The following HIVEP3 variants were observed in gnomAD, a reference collection of about 807,000 sequenced individuals.
HIVEP3 encodes the protein HIVEP zinc finger 3.
A neutral mutation model predicts 152.8 loss-of-function variants in HIVEP3; 49 were observed. The ratio of observed to expected loss-of-function variants is 0.32; its 90% CI spans 0.26 to 0.41. HIVEP3 has a LOEUF of 0.41. HIVEP3 is among the 10% of genes least tolerant of loss of function. HIVEP3 has a pLI of 1.00. For synonymous variants in HIVEP3, 1,269 were observed against 1,289.0 expected (o/e 0.98, Z 0.33); for missense variants, 2,790 against 3,103.3 (o/e 0.90, Z 2.40).
At chr1:41,755,879 T>C (rs181750903) in intron 1 of HIVEP3, among the ~76,000 whole-genome samples, 6 of 152,340 alleles carry the variant, frequency 3.9e-5, no homozygotes. Flanking sequence ...CCGGTGGGAA[T>C]ATAAAATGAT....
At chr1:41,819,935 T>C (rs1259974353) in intron 1 of HIVEP3, among the ~76,000 whole-genome samples, 1 of 152,132 alleles carries the variant, frequency 6.6e-6, no homozygotes, top group Admixed American at 6.5e-5. Context: ...GGCCATACAG[T>C]CTCTGTCATG....
intron 5 of HIVEP3, among the ~76,000 whole-genome samples, chr1:41,536,513 G>A (rs1042363139): frequency 6.6e-6 from 1 of 152,130 alleles, no homozygotes; most frequent in African/African-American, 2.4e-5. Context: ...GGGCACTAGA[G>A]GGGGATGGGC....
At chr1:41,745,540 G>A (rs1647058575) in intron 1 of HIVEP3, among the ~76,000 whole-genome samples, 1 of 152,230 alleles carries the variant, frequency 6.6e-6, no homozygotes, top group Admixed American at 6.5e-5. Flanking sequence ...CTCTGACCCT[G>A]GAGACAAGGG....
chr1:41,990,076 T>C (rs1452668696), intron 1 of HIVEP3, among the ~76,000 whole-genome samples: 19 of 91,030 alleles, frequency 2.1e-4, no homozygotes, highest in African/African-American at 8.5e-4. Context: ...TTCCTTTCCA[T>C]GTTTAGCACT....
At chr1:41,517,695 G>T (rs566567790) in intron 7 of HIVEP3, among the ~76,000 whole-genome samples, 4 of 152,278 alleles carry the variant, frequency 2.6e-5, no homozygotes, top group Admixed American at 2.0e-4. Context: ...AAGCCCCTCT[G>T]GCCACCTGCC....
chr1:41,625,818 G>A (rs2149145875), intron 3 of HIVEP3, among the ~76,000 whole-genome samples: 1 of 152,150 alleles, frequency 6.6e-6, no homozygotes, highest in East Asian at 1.9e-4. Context: ...TAAGAAATAA[G>A]AATAAAAATG....
chr1:41,538,158 T>C (rs190806331), intron 5 of HIVEP3, among the ~76,000 whole-genome samples: 290 of 152,240 alleles, frequency 1.9e-3, no homozygotes, highest in Non-Finnish European at 3.1e-3. Flanking sequence ...AACACCTTTG[T>C]CTGAGACTTT....
chr1:42,030,062 C>T (rs955483738), intron 1 of HIVEP3, among the ~76,000 whole-genome samples: 1 of 152,186 alleles, frequency 6.6e-6, no homozygotes, highest in Non-Finnish European at 1.5e-5. Flanking sequence ...CGACCCTGCC[C>T]TGTGCTTTCT....
chr1:41,861,975 T>C (rs1345954169), intron 1 of HIVEP3, among the ~76,000 whole-genome samples: 1 of 152,034 alleles, frequency 6.6e-6, no homozygotes, highest in Non-Finnish European at 1.5e-5. Context: ...TCTAAAGGGC[T>C]TGGAAACAAA....
intron 1 of HIVEP3, among the ~76,000 whole-genome samples, chr1:41,856,773 G>A (rs977640426): frequency 2.0e-4 from 31 of 152,122 alleles, no homozygotes; most frequent in Admixed American, 7.9e-4. Flanking sequence ...CTTTGTTGAC[G>A]GCGCTGAAGC....
At chr1:41,644,028 A>C (rs1645420665) in intron 2 of HIVEP3, among the ~76,000 whole-genome samples, 1 of 151,710 alleles carries the variant, frequency 6.6e-6, no homozygotes, top group Non-Finnish European at 1.5e-5. Flanking sequence ...CTCGGACTAC[A>C]GGTGCGTGCC....
intron 5 of HIVEP3, among the ~76,000 whole-genome samples, chr1:41,530,633 CAATGGTGTCCTTCAGCCT>C (rs1229051416): frequency 6.6e-6 from 1 of 152,160 alleles, no homozygotes; most frequent in Admixed American, 6.5e-5. Flanking sequence ...CCACCACCTG[CAATGGTGTCCTTCAGCCT>C]AATGGTGTCC....
At chr1:41,619,308 C>T (rs556294348) in intron 3 of HIVEP3, among the ~76,000 whole-genome samples, 19 of 152,350 alleles carry the variant, frequency 1.2e-4, no homozygotes, top group African/African-American at 4.6e-4. Flanking sequence ...TGACAACCTG[C>T]CAGCCCCGTG....
chr1:41,607,736 T>C (rs548457079), intron 3 of HIVEP3, among the ~76,000 whole-genome samples: 21 of 152,382 alleles, frequency 1.4e-4, no homozygotes, highest in African/African-American at 5.0e-4. Context: ...ATACAGGTTC[T>C]AGCTCCTATA....
At chr1:41,678,860 C>A (rs1255590178) in intron 2 of HIVEP3, among the ~76,000 whole-genome samples, 1 of 152,230 alleles carries the variant, frequency 6.6e-6, no homozygotes, top group African/African-American at 2.4e-5. Context: ...CTTAAGCACA[C>A]TTTCAAGCCA....
At chr1:41,912,425 C>G (rs1644811384) in intron 1 of HIVEP3, among the ~76,000 whole-genome samples, 1 of 152,138 alleles carries the variant, frequency 6.6e-6, no homozygotes, top group African/African-American at 2.4e-5. Context: ...TGCTGCAGTT[C>G]CTGCCATATC....
intron 5 of HIVEP3, among the ~76,000 whole-genome samples, chr1:41,553,506 G>T (rs1310926977): frequency 6.6e-6 from 1 of 152,146 alleles, no homozygotes; most frequent in Non-Finnish European, 1.5e-5. Flanking sequence ...TACATTTAAG[G>T]TTAATATTGT....
chr1:41,932,527 C>T (rs1645000986), intron 1 of HIVEP3, among the ~76,000 whole-genome samples: 1 of 151,580 alleles, frequency 6.6e-6, no homozygotes, highest in Non-Finnish European at 1.5e-5. Context: ...AGTGATGTCC[C>T]TTCTTTCATT....
chr1:41,939,121 G>C (rs937489097), intron 1 of HIVEP3, among the ~76,000 whole-genome samples: 6 of 152,084 alleles, frequency 3.9e-5, no homozygotes, highest in Admixed American at 3.9e-4. Flanking sequence ...CTGGAGATAA[G>C]GCCTCTCTTT....
Sources: allele counts gnomAD v4.1 joint callset (sites outside exome capture counted in the v4.1 genomes callset), GRCh38; gene constraint gnomAD v4.1.1; transcripts MANE v1.5; gene names NCBI Gene and HGNC (gene_info 2026-07-23, HGNC 2026-07-21).